The following HS3ST3B1 variants were observed in gnomAD, a reference collection of about 807,000 sequenced individuals.
HS3ST3B1 encodes the protein heparan sulfate-glucosamine 3-sulfotransferase 3B1, also known as heparan sulfate glucosamine 3-O-sulfotransferase 3B1.
A neutral mutation model predicts 21.3 loss-of-function variants in HS3ST3B1; 13 were observed. The observed-to-expected ratio is 0.61, with a 90% CI of 0.40 to 0.97. The LOEUF is 0.97. Ranked by LOEUF, HS3ST3B1 falls within the 50% of genes least tolerant of loss-of-function variation. The pLI, the probability that HS3ST3B1 is intolerant of heterozygous loss-of-function variation, is 0.00. For missense variants in HS3ST3B1, 459 were observed against 554.8 expected (o/e 0.83, Z 1.73); for synonymous variants, 234 against 254.8 (o/e 0.92, Z 0.78).
At chr17:14,320,260 T>C (rs923382316) in intron 1 of HS3ST3B1, among the ~76,000 whole-genome samples, 1 of 152,128 alleles carries the variant, frequency 6.6e-6, no homozygotes, top group African/African-American at 2.4e-5. Flanking sequence ...TCAATCTATC[T>C]AGGCGGGATG....
At chr17:14,340,290 C>T (rs964915422) in intron 1 of HS3ST3B1, among the ~76,000 whole-genome samples, 8 of 152,158 alleles carry the variant, frequency 5.3e-5, no homozygotes, top group African/African-American at 1.9e-4. Flanking sequence ...TCAGCCTCCA[C>T]CAGCCCCCAG....
At chr17:14,332,829 C>CTTTTTTTTTTTTTTTTTTTTTTTTTTTT in intron 1 of HS3ST3B1, among the ~76,000 whole-genome samples, 2 of 91,040 alleles carry the variant, frequency 2.2e-5, no homozygotes, top group Non-Finnish European at 4.2e-5. Flanking sequence ...GACCTTTTAT[C>CTTTTTTTTTTTTTTTTTTTTTTTTTTTT]TTTTTTTTTT....
At position 14,303,825 on chromosome 17, in the gene HS3ST3B1, G is replaced by T. The variant is rs901560670; in HGVS notation, c.554+1753G>T. ...ACTAGCGCCCTTCCAGGTGGAACCC[G>T]CCAGAGCCCCGAGGCAGCCTAGGAT... On this transcript the variant is annotated intron_variant, in intron 1 of 1. Transcript: ENST00000360954. The surrounding 1 kb of genome is among the most constrained non-coding windows in gnomAD (Gnocchi z 5.7). 1 of 152,272 alleles carries T rather than the reference G, an allele frequency of 6.6e-6. No homozygotes were observed. Among genetic ancestry groups the T allele is most frequent in the African/African-American group, 2.4e-5 (1 of 41,434 alleles). The allele number at this position is 152,272 out of a possible 1,614,324, so 9.4% of individuals were successfully genotyped here.
At position 14,324,671 on chromosome 17, in the gene HS3ST3B1, T is replaced by A. The variant is rs151309941; in HGVS notation, c.555-20357T>A. 9.3e-4 allele frequency among the ~76,000 whole-genome samples: 141 copies of A among 152,286 alleles called. 1 individual carries two copies. The East Asian group carries it at 0.023, about 25-fold the overall frequency. ...CTCTGTTGCCCAGGCTAGAGCACAA[T>A]GGTGTGATCATAGCTCACTGCAGCC... On this transcript the variant is annotated intron_variant, in intron 1 of 1. Coordinates refer to ENST00000360954, the MANE Select transcript of HS3ST3B1 (RefSeq NM_006041.3).
At position 14,301,445 on chromosome 17, in the gene HS3ST3B1, T is replaced by A; in HGVS notation, c.-74T>A. The A allele has an allele frequency of 7.6e-7, 1 of 1,322,158 alleles. No individual in the cohort carries two copies. 81.9% of individuals were successfully genotyped at this position (1,322,158 alleles called of 1,614,324 possible). ...GGGCGTCCAGCGTGCCGGGGAACCC[T>A]CTCTGCGCTCACTGCCCGGCGGGAC... On this transcript the variant is annotated 5_prime_UTR_variant, in exon 1 of 2. Transcript: ENST00000360954.
rs760601170 is a variant in HS3ST3B1, at chr17:14,345,635, G to A, written c.1162G>A (p.Gly388Ser). The A allele has an allele frequency of 3.1e-6, 5 of 1,613,676 alleles. No homozygotes were observed. The highest frequency in any genetic ancestry group is 3.3e-5 in the Admixed American group (2 of 59,996). ...CTACCAGATGACCGGGCACGACTTT[G>A]GCTGGGATTGAGCAGACCCGGGCTA... ...KFYQMTGHDF[G>S]WD Residue 388 changes from glycine to serine, a missense_variant, in exon 2 of 2, where the codon GGC becomes AGC. Transcript: ENST00000360954.
At chr17:14,322,918 T>G (rs1241912357) in intron 1 of HS3ST3B1, among the ~76,000 whole-genome samples, 3 of 149,464 alleles carry the variant, frequency 2.0e-5, no homozygotes, top group African/African-American at 4.9e-5. Context: ...TTTTTTTTTT[T>G]TTGTTGAGAC....
chr17:14,341,390 T>A (rs1294279613), intron 1 of HS3ST3B1, among the ~76,000 whole-genome samples: 1 of 152,162 alleles, frequency 6.6e-6, no homozygotes, highest in Non-Finnish European at 1.5e-5. Context: ...TGTGCACAAG[T>A]CTTGCTTCCT....
chr17:14,305,163 C>G (rs1294877090), intron 1 of HS3ST3B1: 1 of 152,208 alleles, frequency 6.6e-6, no homozygotes, highest in East Asian at 1.9e-4. Context: ...ATCAAACGTG[C>G]TAGTACGCAC....
At chr17:14,334,056 C>A (rs551987370) in intron 1 of HS3ST3B1, among the ~76,000 whole-genome samples, 3 of 152,148 alleles carry the variant, frequency 2.0e-5, no homozygotes, top group Non-Finnish European at 4.4e-5. Flanking sequence ...CCACCGCGCC[C>A]GGCCAAGGCT....
intron 1 of HS3ST3B1, among the ~76,000 whole-genome samples, chr17:14,312,126 G>A (rs1018657709): frequency 4.6e-5 from 7 of 152,002 alleles, no homozygotes; most frequent in South Asian, 4.1e-4. Flanking sequence ...CTTAGCCTCC[G>A]TATGCAAGAA....
intron 1 of HS3ST3B1, among the ~76,000 whole-genome samples, chr17:14,326,866 A>G (rs1180423577): frequency 6.9e-6 from 1 of 144,202 alleles, no homozygotes; most frequent in East Asian, 2.2e-4. Flanking sequence ...GGTTGCAGTG[A>G]GCAGAGATCG....
At chr17:14,310,865 A>T (rs1909284588) in intron 1 of HS3ST3B1, among the ~76,000 whole-genome samples, 1 of 152,172 alleles carries the variant, frequency 6.6e-6, no homozygotes, top group African/African-American at 2.4e-5. Flanking sequence ...CAAAGCAGTA[A>T]ACATCCTGTT....
chr17:14,335,744 A>G lies in HS3ST3B1; in HGVS notation c.555-9284A>G, dbSNP rs376282115. On this transcript the variant is annotated intron_variant, in intron 1 of 1. Coordinates refer to ENST00000360954, the MANE Select transcript of HS3ST3B1 (RefSeq NM_006041.3). The stretch of plus-strand genomic sequence containing the variant: ...CTATGTCTCTATTGATGATTCTTTC[A>G]TGTCAATCAATATTTTCCCCAAAGC... Among the ~76,000 whole-genome samples the G allele has an allele frequency of 3.3e-5, 5 of 152,154 alleles. No individual in the cohort carries two copies. In the East Asian group the frequency reaches 7.7e-4, roughly 23 times the overall value.
At chr17:14,331,174 A>G (rs1221476384) in intron 1 of HS3ST3B1, among the ~76,000 whole-genome samples, 1 of 151,774 alleles carries the variant, frequency 6.6e-6, no homozygotes, top group Admixed American at 6.6e-5. Context: ...AGGACACAGG[A>G]TCATTGATTT....
intron 1 of HS3ST3B1, among the ~76,000 whole-genome samples, chr17:14,313,942 A>G (rs1909417368): frequency 1.3e-5 from 2 of 151,678 alleles, no homozygotes; most frequent in Admixed American, 6.6e-5. Flanking sequence ...CAGACATTAT[A>G]TTGTTTATAA....
At position 14,310,338 on chromosome 17, in the gene HS3ST3B1, A is replaced by G. The variant is rs542734315; in HGVS notation, c.554+8266A>G. ...GAGCCCTGTAGCCGCCCCTACCCAG[A>G]GCAGGCACTGACAAGCCCACCCATT... is the stretch of plus-strand genomic sequence containing the variant. On this transcript the variant is annotated intron_variant, in intron 1 of 1. Coordinates refer to ENST00000360954, the MANE Select transcript of HS3ST3B1 (RefSeq NM_006041.3). Among the ~76,000 whole-genome samples, 53 of 152,246 alleles carry G rather than the reference A, an allele frequency of 3.5e-4. 2 individuals carry two copies. In the South Asian group the frequency reaches 0.01, roughly 29 times the overall value.
Position 14,303,597 on chromosome 17 carries a change from G to A in HS3ST3B1, c.554+1525G>A, listed in dbSNP as rs1909018690. Among the ~76,000 whole-genome samples, 1 of 152,176 alleles carries A rather than the reference G, an allele frequency of 6.6e-6. No individual in the cohort carries two copies. Among genetic ancestry groups the A allele is most frequent in the South Asian group, 2.1e-4 (1 of 4,828 alleles). On this transcript the variant is annotated intron_variant, in intron 1 of 1. Transcript: ENST00000360954. This position sits in a 1 kb window ranked among gnomAD's most constrained non-coding sequence, Gnocchi z 5.7. ...CCTGGCTAGTCGCGTGAACCTTGGT[G>A]CTCTCATCTGTGCAGTGGGAATAAT...
At chr17:14,319,359 T>C (rs1312098730) in intron 1 of HS3ST3B1, among the ~76,000 whole-genome samples, 1 of 152,092 alleles carries the variant, frequency 6.6e-6, no homozygotes, top group Non-Finnish European at 1.5e-5. Context: ...CCAGAGGAAA[T>C]TGTCATTAGG....
Sources: allele counts gnomAD v4.1 joint callset (sites outside exome capture counted in the v4.1 genomes callset), GRCh38; gene constraint gnomAD v4.1.1; non-coding constraint Gnocchi (gnomAD v3.1); transcripts MANE v1.5; gene names NCBI Gene and HGNC (gene_info 2026-07-23, HGNC 2026-07-21).